Variants in PDIA6 observed in about 807,000 individuals in gnomAD.
The protein encoded by PDIA6 is protein disulfide-isomerase A6.
A neutral mutation model predicts 58.4 loss-of-function variants in PDIA6; 29 were observed. That is an observed-to-expected ratio of 0.50 (90% CI 0.37 to 0.68). PDIA6 has a LOEUF of 0.68. Among genes scored for constraint, PDIA6 ranks in the 30% least tolerant of loss-of-function variants. The pLI is 0.00. For missense variants in PDIA6, 480 were observed against 551.0 expected (o/e 0.87, Z 1.29); for synonymous variants, 192 against 202.6 (o/e 0.95, Z 0.44).
At chr2:10,835,078 T>A (rs1256061738), upstream of PDIA6, among the ~76,000 whole-genome samples, 1 of 152,128 alleles carries the variant, frequency 6.6e-6, no homozygotes, top group African/African-American at 2.4e-5. Context: ...TAGAGTGAAC[T>A]AATTTCATAG....
intron 6 of PDIA6, among the ~76,000 whole-genome samples, chr2:10,791,532 A>C (rs967786139): frequency 6.6e-6 from 1 of 152,202 alleles, no homozygotes; most frequent in African/African-American, 2.4e-5. Context: ...TTTACTAAAG[A>C]TACAATGCTA....
chr2:10,797,549 A>G, intron 3 of PDIA6, 151 bp downstream of exon 3: 1 of 625,078 alleles, frequency 1.6e-6, no homozygotes, highest in Admixed American at 3.1e-5. Flanking sequence ...CAGAACCAGT[A>G]TTTTCAACTC....
intron 1 of PDIA6, chr2:10,837,492 T>C (rs1156944519): frequency 2.0e-5 from 14 of 699,162 alleles, no homozygotes; most frequent in Non-Finnish European, 3.1e-5. Context: ...CTCCAGATGG[T>C]GATTTAAGGA....
intron 1 of PDIA6, among the ~76,000 whole-genome samples, chr2:10,808,735 C>T (rs983427429): frequency 6.6e-6 from 1 of 152,168 alleles, no homozygotes; most frequent in Admixed American, 6.5e-5. Context: ...GCATGATAGC[C>T]ACTAGCTACA....
intron 1 of PDIA6, among the ~76,000 whole-genome samples, chr2:10,806,042 A>C (rs56817051): frequency 0.038 from 4,048 of 105,662 alleles, 261 homozygotes; most frequent in African/African-American, 0.11. Flanking sequence ...AAAAAAAAAA[A>C]AACGAAAAAA....
At chr2:10,787,486 C>T (rs1182299411) in intron 10 of PDIA6, 47 bp from the exon 11 acceptor site, 3 of 1,547,392 alleles carry the variant, frequency 1.9e-6, no homozygotes, top group Non-Finnish European at 2.6e-6. Context: ...TTTTAAATTG[C>T]TTACGATCTA....
intron 12 of PDIA6, 37 bp downstream of exon 12, chr2:10,784,897 G>C (rs749348438): frequency 1.1e-5 from 16 of 1,406,870 alleles, no homozygotes; most frequent in Non-Finnish European, 1.6e-5. Context: ...AGTAAACCAG[G>C]ACTGCTGCCC....
chr2:10,830,143 T>C (rs1667670224), intron 1 of PDIA6, among the ~76,000 whole-genome samples: 1 of 152,334 alleles, frequency 6.6e-6, no homozygotes, highest in South Asian at 2.1e-4. Context: ...ACTGCCTCCT[T>C]GCACCCGCAT....
At chr2:10,834,732 C>CTCCCTCCCTCCCTCCCT (rs1217424185), upstream of PDIA6, among the ~76,000 whole-genome samples, 43 of 36,414 alleles carry the variant, frequency 1.2e-3, 2 homozygotes, top group South Asian at 2.9e-3. Flanking sequence ...CCTTCCTTCC[C>CTCCCTCCCTCCCTCCCT]TCCTTCCTTC....
At chr2:10,820,409 T>C (rs961163490) in intron 1 of PDIA6, among the ~76,000 whole-genome samples, 13 of 152,310 alleles carry the variant, frequency 8.5e-5, no homozygotes, top group Admixed American at 6.5e-4. Flanking sequence ...GTCTAAATTG[T>C]CATGTTGCCC....
At chr2:10,807,563 A>C (rs1427402754) in intron 1 of PDIA6, among the ~76,000 whole-genome samples, 1 of 152,170 alleles carries the variant, frequency 6.6e-6, no homozygotes, top group African/African-American at 2.4e-5. Flanking sequence ...TGATCATATC[A>C]TTTCTTCCTT....
intron 11 of PDIA6, among the ~76,000 whole-genome samples, chr2:10,785,647 A>G (rs1665691904): frequency 6.6e-6 from 1 of 152,240 alleles, no homozygotes; most frequent in Non-Finnish European, 1.5e-5. Context: ...AGAAAAAAAA[A>G]TTACAGGAGA....
At position 10,805,947 on chromosome 2, in the gene PDIA6, T is replaced by C. The variant is rs1418206942; in HGVS notation, c.20-3307A>G. On this transcript the variant is annotated intron_variant, in intron 1 of 12. Coordinates refer to ENST00000272227, the MANE Select transcript of PDIA6 (RefSeq NM_005742.4). ...AGGGGGGAGGGATAGCATCGGGAGA[T>C]ATACCTAATGCTAGATGAGGAGTTA... Among the ~76,000 whole-genome samples, 3 of 88,094 alleles carry C rather than the reference T, an allele frequency of 3.4e-5. 1 individual carries two copies. The allele number at this position is 88,094 out of a possible 152,430, so 57.8% of individuals were successfully genotyped here.
At chr2:10,793,584 A>G (rs927081476) in intron 4 of PDIA6, among the ~76,000 whole-genome samples, 3 of 152,056 alleles carry the variant, frequency 2.0e-5, no homozygotes, top group African/African-American at 7.2e-5. Context: ...GGCTGGTCAC[A>G]AACTCCTGAC....
At chr2:10,812,477 C>G (rs558358515) in intron 1 of PDIA6, among the ~76,000 whole-genome samples, 1 of 151,770 alleles carries the variant, frequency 6.6e-6, no homozygotes, top group South Asian at 2.1e-4. Context: ...CCCCTCCCCA[C>G]GGGCGCCCGA....
chr2:10,785,961 G>A (rs951473592), intron 11 of PDIA6, among the ~76,000 whole-genome samples: 7 of 152,094 alleles, frequency 4.6e-5, no homozygotes, highest in African/African-American at 1.7e-4. Flanking sequence ...TGATCCGCCT[G>A]CCTCAGACTC....
intron 1 of PDIA6, chr2:10,820,802 G>A (rs1257572985): frequency 4.3e-6 from 3 of 703,022 alleles, no homozygotes; most frequent in Non-Finnish European, 7.8e-6. Flanking sequence ...TGTTGGCTGG[G>A]ACCTCAACTG....
intron 2 of PDIA6, among the ~76,000 whole-genome samples, chr2:10,818,481 AATTT>A (rs750321012): frequency 0.12 from 13,598 of 114,492 alleles, 839 homozygotes; most frequent in African/African-American, 0.15. Context: ...TTAACCATTT[AATTT>A]ATTTATTTAT....
At chr2:10,790,874 C>T (rs750347480) in intron 6 of PDIA6, 41 bp from the exon 7 acceptor site, 34 of 1,458,812 alleles carry the variant, frequency 2.3e-5, no homozygotes, top group Non-Finnish European at 2.9e-6. Flanking sequence ...CTTTGAGACA[C>T]AGTCTCTCTC....
Sources: gnomAD v4.1 joint callset for allele counts (sites outside exome capture counted in the v4.1 genomes callset) on GRCh38, gnomAD v4.1.1 for gene constraint, MANE v1.5 for transcripts, NCBI Gene and HGNC (gene_info 2026-07-23, HGNC 2026-07-21) for gene names.